UBE2H: variants seen among roughly 807,000 people sequenced by gnomAD.
UBE2H encodes the protein ubiquitin-conjugating enzyme E2 H.
Under a neutral mutation model 29.0 loss-of-function variants are expected in UBE2H, and 3 were observed. The ratio of observed to expected loss-of-function variants is 0.10; its 90% CI spans 0.05 to 0.27. The LOEUF (loss-of-function observed/expected upper bound fraction) is 0.27, where lower values mean the gene tolerates loss of function less well. Ranked by LOEUF, UBE2H falls within the 10% of genes least tolerant of loss-of-function variation. The pLI is 1.00. For synonymous variants in UBE2H, 69 were observed against 82.9 expected, an observed-to-expected ratio of 0.83 and a Z score of 0.91; for missense variants, 68 against 228.2, an observed-to-expected ratio of 0.30 and a Z score of 4.52.
At chr7:129,843,027 G>GTCTTGCT (rs563428907) in intron 5 of UBE2H, among the ~76,000 whole-genome samples, 68 of 138,096 alleles carry the variant, frequency 4.9e-4, no homozygotes, top group Middle Eastern at 4.0e-3. Flanking sequence ...TTGAGACAGA[G>GTCTTGCT]TCTTGCTGTC....
At chr7:129,939,966 A>G (rs1422930770) in intron 1 of UBE2H, among the ~76,000 whole-genome samples, 1 of 151,980 alleles carries the variant, frequency 6.6e-6, no homozygotes, top group South Asian at 2.1e-4. Context: ...CTCAAAAAAA[A>G]AAAGAAAGAA....
intron 1 of UBE2H, among the ~76,000 whole-genome samples, chr7:129,882,000 C>T (rs748775939): frequency 2.4e-4 from 36 of 152,096 alleles, no homozygotes; most frequent in Non-Finnish European, 1.8e-4. Context: ...GTTTTCACTG[C>T]CCCCCAAACT....
intron 3 of UBE2H, among the ~76,000 whole-genome samples, chr7:129,862,280 T>C (rs778789801): frequency 4.6e-5 from 7 of 152,248 alleles, no homozygotes; most frequent in Non-Finnish European, 1.0e-4. Flanking sequence ...ATCCTGCCTC[T>C]GTGAGAACTC....
At chr7:129,918,647 G>C (rs34930431) in intron 1 of UBE2H, among the ~76,000 whole-genome samples, 9,482 of 152,158 alleles carry the variant, frequency 0.062, 366 homozygotes, top group Non-Finnish European at 0.091. Context: ...ATTCATATTT[G>C]ACAATAAAAA....
At chr7:129,857,240 T>TA (rs1276058635) in intron 5 of UBE2H, 27 of 428,550 alleles carry the variant, frequency 6.3e-5, no homozygotes, top group Middle Eastern at 1.2e-3. Flanking sequence ...CATGTATTCA[T>TA]GTGTGTGCGC....
chr7:129,930,535 C>T (rs1161840397), intron 1 of UBE2H, among the ~76,000 whole-genome samples: 1 of 152,016 alleles, frequency 6.6e-6, no homozygotes, highest in Non-Finnish European at 1.5e-5. Flanking sequence ...CTTTGGGAGG[C>T]CAAGGCGGGT....
At chr7:129,854,059 A>AG (rs1368070552) in intron 5 of UBE2H, among the ~76,000 whole-genome samples, 3,632 of 112,374 alleles carry the variant, frequency 0.032, 63 homozygotes, top group Non-Finnish European at 0.048. Context: ...ATTTAGTGTT[A>AG]GTTTTTTTTT....
At chr7:129,837,326 G>A (rs982663172) in intron 6 of UBE2H, among the ~76,000 whole-genome samples, 1 of 152,156 alleles carries the variant, frequency 6.6e-6, no homozygotes, top group African/African-American at 2.4e-5. Context: ...ACCACATTTA[G>A]GAAATGGAAT....
intron 1 of UBE2H, among the ~76,000 whole-genome samples, chr7:129,923,577 AAT>A (rs1287760863): frequency 6.6e-6 from 1 of 152,188 alleles, no homozygotes; most frequent in Non-Finnish European, 1.5e-5. Flanking sequence ...TAGGTTAAAG[AAT>A]CTATAACACC....
chr7:129,901,865 G>GA (rs1806723421), intron 1 of UBE2H, among the ~76,000 whole-genome samples: 3 of 152,158 alleles, frequency 2.0e-5, no homozygotes, highest in African/African-American at 7.2e-5. Flanking sequence ...AAAATGCTAG[G>GA]ATTACAGGTG....
chr7:129,837,688 T>C (rs899960397), intron 6 of UBE2H, among the ~76,000 whole-genome samples: 2 of 152,068 alleles, frequency 1.3e-5, no homozygotes, highest in African/African-American at 4.8e-5. Flanking sequence ...GGGTGTCTCT[T>C]ATTTATTTCC....
Position 129,848,836 on chromosome 7 carries a change from C to CA in UBE2H, c.298+8674_298+8675insT, listed in dbSNP as rs559011213. Among the ~76,000 whole-genome samples, 4 of 128,732 alleles carry CA rather than the reference C, an allele frequency of 3.1e-5. No homozygotes were observed. The East Asian group carries it at 9.0e-4, about 29-fold the overall frequency. 84.5% of individuals were successfully genotyped at this position (128,732 alleles called of 152,430 possible). A position where few individuals can be genotyped will look rare whatever the true frequency, so the allele number is the denominator to read the frequency against. On this transcript the variant is annotated intron_variant, in intron 5 of 6. Coordinates refer to ENST00000355621, the MANE Select transcript of UBE2H (RefSeq NM_003344.4). Reference sequence around the variant, plus strand: ...TACTATATGCACAAAAACCAGGTAGCTTTTTTTTTTTTTTTTGGTAAGGCC... The same window carrying CA: ...TACTATATGCACAAAAACCAGGTAGCATTTTTTTTTTTTTTTTGGTAAGGCC...
chr7:129,907,217 C>T (rs1806836457), intron 1 of UBE2H, among the ~76,000 whole-genome samples: 1 of 151,962 alleles, frequency 6.6e-6, no homozygotes, highest in South Asian at 2.1e-4. Context: ...TGGGTAAGAT[C>T]AAATGACTCC....
intron 1 of UBE2H, among the ~76,000 whole-genome samples, chr7:129,895,175 T>C (rs973525478): frequency 1.6e-4 from 24 of 152,306 alleles, no homozygotes; most frequent in African/African-American, 4.3e-4. Context: ...CAATGAGCTG[T>C]GCATCTGACA....
At chr7:129,926,834 G>GC (rs766397056) in intron 1 of UBE2H, among the ~76,000 whole-genome samples, 3 of 152,048 alleles carry the variant, frequency 2.0e-5, no homozygotes, top group Non-Finnish European at 4.4e-5. Flanking sequence ...AAAAAGCTCA[G>GC]CCCCTTCTCC....
At chr7:129,905,734 T>C (rs1481800673) in intron 1 of UBE2H, among the ~76,000 whole-genome samples, 1 of 152,122 alleles carries the variant, frequency 6.6e-6, no homozygotes, top group African/African-American at 2.4e-5. Context: ...TTATCTCAAG[T>C]TGAGTTATCC....
At chr7:129,926,159 T>G (rs1807263913) in intron 1 of UBE2H, among the ~76,000 whole-genome samples, 1 of 152,162 alleles carries the variant, frequency 6.6e-6, no homozygotes. Flanking sequence ...TGAAAAAGTC[T>G]ATGATTTTTT....
intron 1 of UBE2H, among the ~76,000 whole-genome samples, chr7:129,914,853 T>C (rs1316133928): frequency 1.3e-5 from 2 of 152,096 alleles, no homozygotes; most frequent in Non-Finnish European, 2.9e-5. Context: ...GGGCCTAAGG[T>C]TTCATCTTTA....
chr7:129,934,701 T>A (rs1807485428), intron 1 of UBE2H, among the ~76,000 whole-genome samples: 1 of 150,060 alleles, frequency 6.7e-6, no homozygotes, highest in Non-Finnish European at 1.5e-5. Context: ...TCATCAAGGT[T>A]TTCTCATTTA....
Sources: gnomAD v4.1 joint callset for allele counts (sites outside exome capture counted in the v4.1 genomes callset) on GRCh38, gnomAD v4.1.1 for gene constraint, MANE v1.5 for transcripts, NCBI Gene and HGNC (gene_info 2026-07-23, HGNC 2026-07-21) for gene names.